The following KIF14 variants were observed in gnomAD, a reference collection of about 807,000 sequenced individuals.
KIF14 encodes the protein kinesin-like protein KIF14.
Under a neutral mutation model 176.2 loss-of-function variants are expected in KIF14, and 98 were observed. The observed-to-expected ratio is 0.56, with a 90% CI of 0.47 to 0.66. The LOEUF (loss-of-function observed/expected upper bound fraction) is 0.66. Among genes scored for constraint, KIF14 ranks in the 30% least tolerant of loss-of-function variants. The pLI is 0.00. For missense variants in KIF14, 1,751 were observed against 1,920.4 expected, an observed-to-expected ratio of 0.91 and a Z score of 1.65; for synonymous variants, 566 against 632.2, an observed-to-expected ratio of 0.90 and a Z score of 1.57.
intron 1 of KIF14, among the ~76,000 whole-genome samples, chr1:200,619,539 G>C (rs1660583062): frequency 6.6e-6 from 1 of 152,108 alleles, no homozygotes; most frequent in African/African-American, 2.4e-5. Context: ...TTTTAGTAGA[G>C]ACGGGGTTTC....
chr1:200,570,430 G>A (rs1379415849), intron 22 of KIF14, among the ~76,000 whole-genome samples: 2 of 152,196 alleles, frequency 1.3e-5, no homozygotes, highest in African/African-American at 4.8e-5. Context: ...CCTCCTTGGA[G>A]CAGTAACCCT....
chr1:200,568,724 A>G (rs1363877999), intron 23 of KIF14, among the ~76,000 whole-genome samples: 1 of 152,028 alleles, frequency 6.6e-6, no homozygotes, highest in African/African-American at 2.4e-5. Flanking sequence ...GTTCTAACCT[A>G]CTCTGGCTTT....
intron 18 of KIF14, among the ~76,000 whole-genome samples, chr1:200,588,155 C>G (rs1054379064): frequency 6.6e-6 from 1 of 152,078 alleles, no homozygotes; most frequent in Non-Finnish European, 1.5e-5. Context: ...CACAGGGCTT[C>G]TTAAAATAGG....
intron 5 of KIF14, among the ~76,000 whole-genome samples, chr1:200,607,298 C>A (rs1380286923): frequency 1.3e-5 from 2 of 151,948 alleles, no homozygotes; most frequent in African/African-American, 2.4e-5. Context: ...TGCCACCACA[C>A]CAGCTAACTT....
At chr1:200,583,282 T>C (rs901962715) in intron 19 of KIF14, among the ~76,000 whole-genome samples, 1 of 152,040 alleles carries the variant, frequency 6.6e-6, no homozygotes, top group Non-Finnish European at 1.5e-5. Context: ...AAATATGTGA[T>C]GTGTAAGAAA....
At position 200,603,126 on chromosome 1, in the gene KIF14, C is replaced by T. The variant is rs888671716; in HGVS notation, c.1979+100G>A. ...GCTCTAGAATTCATAATGCTTACCA[C>T]CTTTCTCCATCCCAAAGTTAATGAA... On this transcript the variant is annotated intron_variant, in intron 10 of 29. Coordinates refer to ENST00000367350, the MANE Select transcript of KIF14 (RefSeq NM_014875.3). 1.2e-4 allele frequency: 79 copies of T among 656,046 alleles called. No individual in the cohort carries two copies. In the African/African-American group the frequency reaches 1.4e-3, roughly 11 times the overall value. The allele number at this position is 656,046 out of a possible 1,614,324, so 40.6% of individuals were successfully genotyped here.
At chr1:200,601,647 ATGCTTAC>A (rs1335825269) in intron 11 of KIF14, among the ~76,000 whole-genome samples, 2 of 152,142 alleles carry the variant, frequency 1.3e-5, no homozygotes, top group Non-Finnish European at 2.9e-5. Flanking sequence ...TTATTGTTTA[ATGCTTAC>A]TGTTTCCCCC....
chr1:200,562,087 T>G (rs1442124530), intron 25 of KIF14, among the ~76,000 whole-genome samples: 1 of 152,238 alleles, frequency 6.6e-6, no homozygotes, highest in East Asian at 1.9e-4. Context: ...CCTGGCCTGC[T>G]TTGGGGAATA....
intron 22 of KIF14, among the ~76,000 whole-genome samples, chr1:200,573,763 A>G (rs939703566): frequency 6.6e-6 from 1 of 152,228 alleles, no homozygotes; most frequent in African/African-American, 2.4e-5. Flanking sequence ...TCTTTGAGGA[A>G]AATCATAAAT....
At chr1:200,575,099 A>C (rs1297976540) in intron 22 of KIF14, among the ~76,000 whole-genome samples, 2 of 151,590 alleles carry the variant, frequency 1.3e-5, no homozygotes, top group Non-Finnish European at 1.5e-5. Context: ...TGGGAGTACA[A>C]GTGCCTGCTC....
rs1658915598 is a variant in KIF14 at position 200,589,262 on chromosome 1, A to G, written c.3069T>C (p.Tyr1023=). The part of the protein sequence containing the change: ...KAKQHLEQEI[Y]VNKKRLEMET... ...CCATTTCTAATCGCTTTTTGTTGAC[A>G]TATATTTCCTGTTCAAGATGCTGCT... The change falls in exon 18 of 30, where the codon TAT becomes TAC. Residue 1023 remains tyrosine (Y), a synonymous_variant. Coordinates refer to ENST00000367350, the MANE Select transcript of KIF14 (RefSeq NM_014875.3). 2 of 1,611,026 alleles carry G rather than the reference A, an allele frequency of 1.2e-6. No homozygotes were observed. Among genetic ancestry groups the G allele is most frequent in the Non-Finnish European group, 8.5e-7 (1 of 1,178,016 alleles).
chr1:200,596,561 C>CT (rs60386347), intron 14 of KIF14, among the ~76,000 whole-genome samples: 32,951 of 102,628 alleles, frequency 0.32, 6,046 homozygotes, highest in Non-Finnish European at 0.41. Flanking sequence ...GTACAACAGT[C>CT]TTTTTTTTTT....
Position 200,585,878 on chromosome 1 carries a change from G to T in KIF14, c.3241+223C>A, listed in dbSNP as rs61827022. 7.7e-3 allele frequency among the ~76,000 whole-genome samples: 1,175 copies of T among 152,030 alleles called. 7 individuals carry two copies. The highest frequency in any genetic ancestry group is 0.037 in the Middle Eastern group (11 of 294). On this transcript the variant is annotated intron_variant, in intron 19 of 29. Coordinates refer to ENST00000367350, the MANE Select transcript of KIF14 (RefSeq NM_014875.3). Reference sequence around the variant, plus strand: ...ATGAATTCAATATATTAATTTTGGGGGAACACAAACATTCAGTCTAAAGCA... The same window carrying T: ...ATGAATTCAATATATTAATTTTGGGTGAACACAAACATTCAGTCTAAAGCA...
In KIF14 at chr1:200,591,882, C is replaced by T. The variant is rs138976091; in HGVS notation, c.2813+198G>A. Reference sequence around the variant, plus strand: ...ATTTCAATCCTTATTCTTTATATCTCCAGCATTTGGTACAGTGACAGACAC... The same window carrying T: ...ATTTCAATCCTTATTCTTTATATCTTCAGCATTTGGTACAGTGACAGACAC... On this transcript the variant is annotated intron_variant, in intron 16 of 29. Transcript: ENST00000367350. 3.6e-3 allele frequency among the ~76,000 whole-genome samples: 551 copies of T among 152,234 alleles called. 3 individuals carry two copies. Among genetic ancestry groups the T allele is most frequent in the African/African-American group, 0.012 (511 of 41,552 alleles).
chr1:200,561,025 G>A (rs1657114733), intron 25 of KIF14, 145 bp from the exon 26 acceptor site: 2 of 658,276 alleles, frequency 3.0e-6, no homozygotes, highest in Non-Finnish European at 5.3e-6. Flanking sequence ...GAGGTCAGGA[G>A]TTCAAGATCA....
At chr1:200,610,006 C>G (rs1660072160) in intron 4 of KIF14, among the ~76,000 whole-genome samples, 1 of 152,116 alleles carries the variant, frequency 6.6e-6, no homozygotes, top group Non-Finnish European at 1.5e-5. Context: ...ATTCATAGAA[C>G]AAAAGCAAAC....
chr1:200,615,425 C>T lies in KIF14; in HGVS notation c.1297G>A (p.Glu433Lys), dbSNP rs1660362642. The T allele has an allele frequency of 7.4e-6, 12 of 1,614,132 alleles. No homozygotes were observed. Among genetic ancestry groups the T allele is most frequent in the Non-Finnish European group, 1.0e-5 (12 of 1,179,978 alleles). ...GTATTGAAGCCTTCGAAGGCTCTTT[C>T]TAGGAGTGGTGCTGCTAGCTTCTCA... ...VYEKLAAPLL[E>K]RAFEGFNTCL... The change falls in exon 3 of 30, where the codon GAA becomes AAA. Residue 433 changes from glutamate to lysine, a missense_variant. Physicochemically the swap from Glu to Lys is moderately conservative, Grantham distance 56. Transcript: ENST00000367350.
chr1:200,611,033 T>A (rs1469446077), intron 4 of KIF14, among the ~76,000 whole-genome samples: 9 of 152,156 alleles, frequency 5.9e-5, no homozygotes. Context: ...AAGCAATCAT[T>A]AGATTAAGTG....
In KIF14 at chr1:200,590,418, A is replaced by T. The variant is rs1460864364; in HGVS notation, c.2814-146T>A. On this transcript the variant is annotated intron_variant, in intron 16 of 29. Coordinates refer to ENST00000367350, the MANE Select transcript of KIF14 (RefSeq NM_014875.3). ...CTGACATTCTATCAACAGTGTTTTT[A>T]AAATTTTCACTGGCTCTACAATTGT... 1.7e-5 allele frequency: 13 copies of T among 751,974 alleles called. No individual in the cohort carries two copies. The African/African-American group carries it at 2.1e-4, about 12-fold the overall frequency. The allele number at this position is 751,974 out of a possible 1,614,324, so 46.6% of individuals were successfully genotyped here.
Sources: allele counts gnomAD v4.1 joint callset (sites outside exome capture counted in the v4.1 genomes callset), GRCh38; gene constraint gnomAD v4.1.1; transcripts MANE v1.5; gene names NCBI Gene and HGNC (gene_info 2026-07-23, HGNC 2026-07-21).